The following RNF38 variants were observed in gnomAD, a reference collection of about 807,000 sequenced individuals.
RNF38 encodes the protein ring finger protein 38.
RNF38 carries 15 observed loss-of-function variants against 67.2 expected under a neutral mutation model. The observed-to-expected ratio is 0.22, with a 90% CI of 0.15 to 0.34. The LOEUF is 0.34. RNF38 is among the 10% of genes least tolerant of loss of function. The pLI is 1.00. For missense variants in RNF38, 524 were observed against 639.9 expected, an observed-to-expected ratio of 0.82 and a Z score of 1.95; for synonymous variants, 220 against 218.8, an observed-to-expected ratio of 1.01 and a Z score of -0.05.
chr9:36,458,399 G>A (rs560694022), intron 1 of RNF38, among the ~76,000 whole-genome samples: 1 of 152,158 alleles, frequency 6.6e-6, no homozygotes, highest in Non-Finnish European at 1.5e-5. Context: ...CCCCTTCCAC[G>A]CTGTGAAAGC....
chr9:36,344,970 C>T lies in RNF38; in HGVS notation c.1264-17G>A, dbSNP rs372773179. On this transcript the variant is annotated splice_polypyrimidine_tract_variant and intron_variant, in intron 9 of 11. Coordinates refer to ENST00000259605, the MANE Select transcript of RNF38 (RefSeq NM_022781.5). ...TAACAGGGCCTGCAGCGGTAAAAGA[C>T]GACATATTTTCATCTATCTTTACAT... The T allele has an allele frequency of 5.1e-5, 82 of 1,595,352 alleles. No individual in the cohort carries two copies. In the African/African-American group the frequency reaches 7.0e-4, roughly 14 times the overall value.
rs1162170558 is a variant in RNF38 at position 36,439,394 on chromosome 9, CT to C, written n.242-14712del. On this transcript the variant is annotated intron_variant and non_coding_transcript_variant, in intron 1 of 3. Coordinates refer to the RNF38 transcript ENST00000488058. ...AACAAGTGACCCTCATTTTTTTTTC[CT>C]TACCTTCAAAGAGGTGTGACACCTA... is the stretch of plus-strand genomic sequence containing the variant. 4.0e-5 allele frequency among the ~76,000 whole-genome samples: 6 copies of C among 151,538 alleles called. No individual in the cohort carries two copies. The East Asian group carries it at 1.2e-3, about 29-fold the overall frequency.
intron 3 of RNF38, among the ~76,000 whole-genome samples, chr9:36,374,438 C>G (rs1035022518): frequency 5.3e-5 from 8 of 152,222 alleles, no homozygotes; most frequent in Non-Finnish European, 1.0e-4. Context: ...TTGCAGACAA[C>G]TACATCTCAC....
chr9:36,420,219 G>A (rs1838584194), intron 2 of RNF38, among the ~76,000 whole-genome samples: 1 of 152,128 alleles, frequency 6.6e-6, no homozygotes, highest in African/African-American at 2.4e-5. Flanking sequence ...TTCAAAGGGT[G>A]TTGTGACTAC....
chr9:36,481,716 T>C (rs987849729), intron 1 of RNF38, among the ~76,000 whole-genome samples: 4 of 152,136 alleles, frequency 2.6e-5, no homozygotes, highest in African/African-American at 9.7e-5. Flanking sequence ...ACAGCATTCA[T>C]CCACGACAAC....
chr9:36,354,003 C>G (rs1833895159), intron 6 of RNF38, among the ~76,000 whole-genome samples: 1 of 152,102 alleles, frequency 6.6e-6, no homozygotes, highest in Non-Finnish European at 1.5e-5. Context: ...CACAAGAAAA[C>G]AAAGAACAGT....
chr9:36,410,232 C>T (rs559254903), intron 2 of RNF38, among the ~76,000 whole-genome samples: 1 of 152,094 alleles, frequency 6.6e-6, no homozygotes, highest in Admixed American at 6.5e-5. Flanking sequence ...TTAGAAAATA[C>T]GGGTAAATAT....
chr9:36,367,289 C>G (rs971187485), intron 4 of RNF38, among the ~76,000 whole-genome samples: 2 of 152,106 alleles, frequency 1.3e-5, no homozygotes, highest in African/African-American at 4.8e-5. Context: ...TTATCTAGCA[C>G]GCTCGGTTGT....
chr9:36,381,766 G>C (rs1252083103), intron 2 of RNF38, among the ~76,000 whole-genome samples: 1 of 152,154 alleles, frequency 6.6e-6, no homozygotes, highest in Non-Finnish European at 1.5e-5. Context: ...TCCATGTATT[G>C]ATTTATGACT....
chr9:36,439,810 A>C (rs1310574653), intron 1 of RNF38, among the ~76,000 whole-genome samples: 2 of 151,630 alleles, frequency 1.3e-5, no homozygotes, highest in East Asian at 3.9e-4. Flanking sequence ...AAAAAAAAAA[A>C]ACTTATCAAT....
At chr9:36,460,391 T>C (rs1839699044) in intron 1 of RNF38, among the ~76,000 whole-genome samples, 1 of 152,152 alleles carries the variant, frequency 6.6e-6, no homozygotes, top group South Asian at 2.1e-4. Flanking sequence ...CAAACTATCA[T>C]ACATATACAT....
At chr9:36,372,092 G>A (rs867516509) in intron 3 of RNF38, among the ~76,000 whole-genome samples, 2 of 151,800 alleles carry the variant, frequency 1.3e-5, no homozygotes, top group African/African-American at 4.8e-5. Context: ...CACCTTGCCT[G>A]GCTGATTTTT....
chr9:36,372,347 G>A (rs1005123714), intron 3 of RNF38: 8 of 531,528 alleles, frequency 1.5e-5, no homozygotes, highest in African/African-American at 1.3e-4. Context: ...TCTAAAATTC[G>A]ATCTTGCTTG....
chr9:36,466,773 A>G (rs1376597783), intron 1 of RNF38, among the ~76,000 whole-genome samples: 3 of 152,178 alleles, frequency 2.0e-5, no homozygotes, highest in Admixed American at 6.5e-5. Flanking sequence ...CAGGATTCAA[A>G]TAAAGGAACT....
At chr9:36,437,760 T>C (rs1181224415) in intron 1 of RNF38, among the ~76,000 whole-genome samples, 1 of 152,122 alleles carries the variant, frequency 6.6e-6, no homozygotes, top group Non-Finnish European at 1.5e-5. Flanking sequence ...AGACTGTAAG[T>C]GCAAAGGCAA....
At chr9:36,427,270 G>A (rs1838796586) in intron 1 of RNF38, among the ~76,000 whole-genome samples, 1 of 152,166 alleles carries the variant, frequency 6.6e-6, no homozygotes, top group Admixed American at 6.5e-5. Context: ...AAAAGGAAAA[G>A]GGGAAGAAAG....
intron 3 of RNF38, chr9:36,372,589 G>A: frequency 1.4e-6 from 1 of 711,452 alleles, no homozygotes; most frequent in Non-Finnish European, 2.6e-6. Context: ...ATGCTTATAG[G>A]TAACCTATAT....
chr9:36,336,734 C>CA lies in RNF38; in HGVS notation c.*3017dup, dbSNP rs1319158310. 2 of 152,458 alleles carry CA rather than the reference C, an allele frequency of 1.3e-5. No individual in the cohort carries two copies. Among genetic ancestry groups the CA allele is most frequent in the African/African-American group, 4.8e-5 (2 of 41,392 alleles). 9.4% of individuals were successfully genotyped at this position (152,458 alleles called of 1,614,324 possible). On this transcript the variant is annotated 3_prime_UTR_variant, in exon 12 of 12. Transcript: ENST00000259605. ...CCAAATGTACCAACAGGGGGACAAA[C>CA]AAACAGCTTTCTAATGAAAAGGCCC...
rs1474013578 is a variant in RNF38 at position 36,341,970 on chromosome 9, T to A, written c.1485+355A>T. 1.3e-5 allele frequency among the ~76,000 whole-genome samples: 2 copies of A among 152,034 alleles called. 1 individual carries two copies. The highest frequency in any genetic ancestry group is 2.9e-5 in the Non-Finnish European group (2 of 68,024). On this transcript the variant is annotated intron_variant, in intron 11 of 11. Transcript: ENST00000259605. ...AAAGGAGAAAATGGTCAGAATTAAA[T>A]AAAAACACTAGATGTATTTTTCTCC...
Sources: gnomAD v4.1 joint callset for allele counts (sites outside exome capture counted in the v4.1 genomes callset) on GRCh38, gnomAD v4.1.1 for gene constraint, MANE v1.5 for transcripts, NCBI Gene and HGNC (gene_info 2026-07-23, HGNC 2026-07-21) for gene names.